Variants in GRIK2 observed in about 807,000 individuals in gnomAD.
GRIK2 encodes glutamate receptor ionotropic, kainate 2.
GRIK2 carries 32 observed loss-of-function variants against 100.3 expected under a neutral mutation model. The observed-to-expected ratio is 0.32, with a 90% confidence interval of 0.24 to 0.43. The LOEUF (loss-of-function observed/expected upper bound fraction) is 0.43, where lower values mean the gene tolerates loss of function less well. Ranked by LOEUF, GRIK2 falls within the 20% of genes least tolerant of loss-of-function variation. GRIK2 has a pLI of 1.00. For synonymous variants in GRIK2, 417 were observed against 389.4 expected, an observed-to-expected ratio of 1.07 and a Z score of -0.83; for missense variants, 843 against 1,114.9, an observed-to-expected ratio of 0.76 and a Z score of 3.47.
chr6:101,470,154 T>C (rs1771869101), intron 2 of GRIK2, among the ~76,000 whole-genome samples: 1 of 152,148 alleles, frequency 6.6e-6, no homozygotes. Flanking sequence ...CAAACTCTTT[T>C]CAAATATTTC....
intron 4 of GRIK2, among the ~76,000 whole-genome samples, chr6:101,670,138 C>T (rs959234320): frequency 5.3e-5 from 8 of 151,122 alleles, no homozygotes; most frequent in Non-Finnish European, 1.2e-4. Flanking sequence ...TGCTTTTGTA[C>T]TTAAAAAAAA....
At chr6:101,668,639 C>T (rs1397583851) in intron 4 of GRIK2, among the ~76,000 whole-genome samples, 1 of 152,002 alleles carries the variant, frequency 6.6e-6, no homozygotes, top group South Asian at 2.1e-4. Flanking sequence ...TAATACAATG[C>T]ATTTTGGGTT....
chr6:102,055,646 A>G, intron 16 of GRIK2, 66 bp downstream of exon 16: 3 of 1,221,638 alleles, frequency 2.5e-6, no homozygotes, highest in Non-Finnish European at 3.5e-6. Flanking sequence ...ACACAAACCA[A>G]AAGAGTTTTT....
rs182195327 is a variant in GRIK2, at chr6:101,553,391, A to G, written c.116-68558A>G. On this transcript the variant is annotated intron_variant, in intron 2 of 16. Coordinates refer to ENST00000369134, the MANE Select transcript of GRIK2 (RefSeq NM_021956.5). ...TCATATTTCAAATATTTTCTTTTGT[A>G]TACATTTCTGATTCGTGAAGAATTA... Among the ~76,000 whole-genome samples the G allele has an allele frequency of 1.4e-3, 213 of 152,292 alleles. 1 individual carries two copies. Among genetic ancestry groups the G allele is most frequent in the African/African-American group, 4.6e-3 (193 of 41,576 alleles).
At chr6:101,749,514 A>C (rs938226620) in intron 7 of GRIK2, among the ~76,000 whole-genome samples, 1 of 152,164 alleles carries the variant, frequency 6.6e-6, no homozygotes, top group Middle Eastern at 3.4e-3. Flanking sequence ...CTGGCCTAAA[A>C]CCTGGTCTGA....
intron 7 of GRIK2, among the ~76,000 whole-genome samples, chr6:101,757,781 G>C (rs986641589): frequency 6.6e-6 from 1 of 152,308 alleles, no homozygotes; most frequent in African/African-American, 2.4e-5. Flanking sequence ...CTAGTGGTCT[G>C]CAAATGGAAA....
At chr6:101,639,336 A>C (rs1272161073) in intron 4 of GRIK2, among the ~76,000 whole-genome samples, 3 of 152,164 alleles carry the variant, frequency 2.0e-5, no homozygotes, top group Non-Finnish European at 4.4e-5. Flanking sequence ...GCACAGCCAG[A>C]TAACTGATTT....
chr6:102,031,076 TAC>T (rs55900001), intron 14 of GRIK2, among the ~76,000 whole-genome samples: 15,403 of 118,176 alleles, frequency 0.13, 836 homozygotes, highest in Non-Finnish European at 0.15. Context: ...TATTATGCAT[TAC>T]ACACACACAC....
intron 15 of GRIK2, among the ~76,000 whole-genome samples, chr6:102,053,786 G>T (rs1771328823): frequency 6.6e-6 from 1 of 152,122 alleles, no homozygotes; most frequent in African/African-American, 2.4e-5. Context: ...AAAAAAGCTT[G>T]TAATGTATTT....
Position 101,652,157 on chromosome 6 carries a change from G to A in GRIK2, c.542-24466G>A, listed in dbSNP as rs183576581. On this transcript the variant is annotated intron_variant, in intron 4 of 16. Coordinates refer to ENST00000369134, the MANE Select transcript of GRIK2 (RefSeq NM_021956.5). ...GTGAGCTTAAGTGAGAATGCAAGGT[G>A]CAGTCCACCAGATGTTTGTGTTCCC... Among the ~76,000 whole-genome samples the A allele has an allele frequency of 3.0e-4, 45 of 152,258 alleles. No homozygotes were observed. The East Asian group carries it at 8.3e-3, about 28-fold the overall frequency.
intron 14 of GRIK2, among the ~76,000 whole-genome samples, chr6:102,008,587 AG>A (rs1795362966): frequency 6.6e-6 from 1 of 152,162 alleles, no homozygotes; most frequent in African/African-American, 2.4e-5. Context: ...GAATTCTAGA[AG>A]GAATTTTGCC....
intron 14 of GRIK2, among the ~76,000 whole-genome samples, chr6:101,994,334 A>C (rs988758239): frequency 1.3e-5 from 2 of 151,658 alleles, no homozygotes; most frequent in African/African-American, 4.8e-5. Flanking sequence ...TATACATAGC[A>C]GTGTTCATTA....
chr6:101,821,767 T>C (rs575171830), intron 10 of GRIK2, among the ~76,000 whole-genome samples: 9 of 152,236 alleles, frequency 5.9e-5, no homozygotes, highest in Admixed American at 3.3e-4. Context: ...TTTGATGTAA[T>C]TTACTGGTAT....
In GRIK2 at chr6:101,675,595, CT is replaced by C. The variant is rs144113951; in HGVS notation, c.542-1025del. 4.7e-3 allele frequency among the ~76,000 whole-genome samples: 708 copies of C among 152,058 alleles called. 5 individuals carry two copies. Among genetic ancestry groups the C allele is most frequent in the African/African-American group, 0.016 (680 of 41,468 alleles). Reference sequence around the variant, plus strand: ...ATATAGTGGATCTTTTGTGTCAGCTCTTTAATGTGTTTCATTACTTGAAGAC... The same window carrying C: ...ATATAGTGGATCTTTTGTGTCAGCTCTTAATGTGTTTCATTACTTGAAGAC... On this transcript the variant is annotated intron_variant, in intron 4 of 16. Transcript: ENST00000369134.
chr6:101,644,265 C>A (rs957795791), intron 4 of GRIK2, among the ~76,000 whole-genome samples: 5 of 151,670 alleles, frequency 3.3e-5, no homozygotes, highest in African/African-American at 1.2e-4. Flanking sequence ...GGTTGGAGAA[C>A]TAAACAGAGA....
intron 10 of GRIK2, among the ~76,000 whole-genome samples, chr6:101,843,790 T>A (rs1259623924): frequency 6.6e-6 from 1 of 152,232 alleles, no homozygotes; most frequent in Non-Finnish European, 1.5e-5. Context: ...AGTTTTGTAA[T>A]TTTAATTGCA....
At chr6:101,872,469 C>T (rs914061083) in intron 11 of GRIK2, among the ~76,000 whole-genome samples, 1 of 151,826 alleles carries the variant, frequency 6.6e-6, no homozygotes, top group African/African-American at 2.4e-5. Context: ...CACTCACTAT[C>T]ATGAGAATAG....
intron 12 of GRIK2, among the ~76,000 whole-genome samples, chr6:101,915,711 C>A (rs929222687): frequency 6.6e-5 from 10 of 151,202 alleles, no homozygotes; most frequent in African/African-American, 2.4e-4. Context: ...TGATATGGTG[C>A]CTTCCCCAAA....
chr6:101,738,409 A>T (rs1024540304), intron 7 of GRIK2, among the ~76,000 whole-genome samples: 3 of 152,322 alleles, frequency 2.0e-5, no homozygotes, highest in Admixed American at 2.0e-4. Flanking sequence ...AGTAGTTGAT[A>T]TTACAATGTC....
Sources: gnomAD v4.1 joint callset for allele counts (sites outside exome capture counted in the v4.1 genomes callset) on GRCh38, gnomAD v4.1.1 for gene constraint, MANE v1.5 for transcripts, NCBI Gene and HGNC (gene_info 2026-07-23, HGNC 2026-07-21) for gene names.